The following LITAF variants were observed in gnomAD, a reference collection of about 807,000 sequenced individuals.
The protein encoded by LITAF is lipopolysaccharide-induced tumor necrosis factor-alpha factor.
Under a neutral mutation model 14.5 loss-of-function variants are expected in LITAF, and 9 were observed. The ratio of observed to expected loss-of-function variants is 0.62; its 90% CI spans 0.37 to 1.08. The LOEUF is 1.08. Among genes scored for constraint, LITAF ranks in the 50% least tolerant of loss-of-function variants. LITAF has a pLI of 0.01. For synonymous variants in LITAF, 98 were observed against 88.2 expected (o/e 1.11, Z -0.62); for missense variants, 206 against 213.4 (o/e 0.97, Z 0.22).
chr16:11,583,725 T>A (rs964177929), intron 1 of LITAF, among the ~76,000 whole-genome samples: 5 of 152,230 alleles, frequency 3.3e-5, no homozygotes, highest in Non-Finnish European at 5.9e-5. Flanking sequence ...TGAGGCACAC[T>A]GTCAATTAAA....
Position 11,559,420 on chromosome 16 carries a change from G to A in LITAF, c.-5-2685C>T, listed in dbSNP as rs544127072. Among the ~76,000 whole-genome samples the A allele has an allele frequency of 1.2e-4, 19 of 152,220 alleles. No homozygotes were observed. In the East Asian group the frequency reaches 3.7e-3, roughly 29 times the overall value. On this transcript the variant is annotated intron_variant, in intron 1 of 3. Coordinates refer to ENST00000622633, the MANE Select transcript of LITAF (RefSeq NM_001136472.2). ...CAATTATTGGGAAGCTTTTATGTAA[G>A]TCTGGGACAACTTGAATATATGAAT...
upstream of LITAF, among the ~76,000 whole-genome samples, chr16:11,588,623 A>G (rs1832416560): frequency 6.6e-6 from 1 of 152,112 alleles, no homozygotes; most frequent in Non-Finnish European, 1.5e-5. Context: ...AGAGAAGAAC[A>G]GGAAATTGGA....
chr16:11,588,779 G>A (rs906727557), upstream of LITAF, among the ~76,000 whole-genome samples: 2 of 152,026 alleles, frequency 1.3e-5, no homozygotes, highest in Non-Finnish European at 1.5e-5. Flanking sequence ...CAGAGATAAC[G>A]TTCAAGAAAC....
upstream of LITAF, among the ~76,000 whole-genome samples, chr16:11,637,631 C>T (rs929903753): frequency 1.3e-5 from 2 of 152,156 alleles, no homozygotes; most frequent in South Asian, 2.1e-4. Context: ...CAGCGGCTCA[C>T]GCCTATATTC....
chr16:11,622,900 A>G (rs1008476110), intron 3 of LITAF, among the ~76,000 whole-genome samples: 4 of 151,696 alleles, frequency 2.6e-5, no homozygotes, highest in African/African-American at 9.7e-5. Context: ...TCATTAGTTC[A>G]TTTAATCGTC....
chr16:11,584,950 G>C (rs903322388), intron 1 of LITAF, among the ~76,000 whole-genome samples: 9 of 152,218 alleles, frequency 5.9e-5, no homozygotes, highest in Non-Finnish European at 1.2e-4. Context: ...GTTCACACCT[G>C]TAATCCCAGC....
chr16:11,578,276 CGCCAG>C (rs2141821608), intron 1 of LITAF, among the ~76,000 whole-genome samples: 1 of 152,260 alleles, frequency 6.6e-6, no homozygotes, highest in South Asian at 2.1e-4. Flanking sequence ...AGAACAGAGT[CGCCAG>C]GCGTGGTGGC....
intron 3 of LITAF, chr16:11,629,236 G>A (rs1467248163): frequency 1.3e-5 from 2 of 152,024 alleles, no homozygotes; most frequent in African/African-American, 2.4e-5. Context: ...GCAGGACACC[G>A]AGGACTTTGG....
chr16:11,580,459 T>G (rs2064714864), intron 1 of LITAF, among the ~76,000 whole-genome samples: 1 of 152,170 alleles, frequency 6.6e-6, no homozygotes, highest in Non-Finnish European at 1.5e-5. Context: ...GGTTTCACCA[T>G]GTTGGCCAGG....
chr16:11,619,335 C>A (rs529832254), intron 3 of LITAF, among the ~76,000 whole-genome samples: 37 of 150,924 alleles, frequency 2.5e-4, no homozygotes, highest in South Asian at 1.1e-3. Context: ...AAAAAAAAAA[C>A]CCCAGCACTG....
Position 11,573,954 on chromosome 16 carries a change from G to A in LITAF, c.-6+12932C>T, listed in dbSNP as rs112444947. On this transcript the variant is annotated intron_variant, in intron 1 of 3. Coordinates refer to ENST00000622633, the MANE Select transcript of LITAF (RefSeq NM_001136472.2). ...TGACCTCAAGTGATCCTCCCGCCTC[G>A]GGCTCCCAAAGTGCTGGGATTACAG... is the stretch of plus-strand genomic sequence containing the variant. Among the ~76,000 whole-genome samples, 458 of 151,702 alleles carry A rather than the reference G, an allele frequency of 3.0e-3. 4 individuals carry two copies. Among genetic ancestry groups the A allele is most frequent in the African/African-American group, 0.011 (447 of 41,450 alleles).
In LITAF at chr16:11,548,133, C is replaced by T. The variant is rs191762790; in HGVS notation, c.*1504G>A. The T allele has an allele frequency of 1.3e-4, 59 of 454,104 alleles. No individual in the cohort carries two copies. The highest frequency in any genetic ancestry group is 1.1e-3 in the African/African-American group (54 of 50,120). 28.1% of individuals were successfully genotyped at this position (454,104 alleles called of 1,614,324 possible). On this transcript the variant is annotated 3_prime_UTR_variant, in exon 4 of 4. Coordinates refer to ENST00000622633, the MANE Select transcript of LITAF (RefSeq NM_001136472.2). ...AATGAAGGGGGATCAATGGTTACCA[C>T]TATCGTTTTCAACCAATATACAGAT... is the stretch of plus-strand genomic sequence containing the variant.
chr16:11,629,824 T>G (rs1374032174), intron 3 of LITAF, among the ~76,000 whole-genome samples: 1 of 151,928 alleles, frequency 6.6e-6, no homozygotes, highest in Non-Finnish European at 1.5e-5. Context: ...GCTCATGGAG[T>G]GCGGTACGGA....
rs796155799 is a variant in LITAF, at chr16:11,558,791, G to C, written c.-5-2056C>G. On this transcript the variant is annotated intron_variant, in intron 1 of 3. Coordinates refer to ENST00000622633, the MANE Select transcript of LITAF (RefSeq NM_001136472.2). This position sits in a 1 kb window ranked among gnomAD's most constrained non-coding sequence, Gnocchi z 4.1. ...AAAGTCAGTAAGTAAAGATAGGTTG[G>C]GGCTGCATTCTAGAAAACTTTGAAA... Among the ~76,000 whole-genome samples, 1 of 152,164 alleles carries C rather than the reference G, an allele frequency of 6.6e-6. No individual in the cohort carries two copies. The highest frequency in any genetic ancestry group is 1.5e-5 in the Non-Finnish European group (1 of 68,032).
chr16:11,613,982 G>T (rs2065000736), intron 3 of LITAF, among the ~76,000 whole-genome samples: 1 of 152,178 alleles, frequency 6.6e-6, no homozygotes, highest in African/African-American at 2.4e-5. Context: ...CAGGTCCTGA[G>T]ATTTGGACAC....
chr16:11,553,355 GAGCCGAGATCGCCCCAC>G lies in LITAF; in HGVS notation c.377+161_377+177del, dbSNP rs2064211354. 6.0e-6 allele frequency: 4 copies of G among 663,228 alleles called. No individual in the cohort carries two copies. Among genetic ancestry groups the G allele is most frequent in the Non-Finnish European group, 1.0e-5 (4 of 381,740 alleles). 41.1% of individuals were successfully genotyped at this position (663,228 alleles called of 1,614,324 possible). A position where few individuals can be genotyped will look rare whatever the true frequency, so the allele number is the denominator to read the frequency against. Reference sequence around the variant, plus strand: ...GAACCTGAGCAGTGGGGGTTACAGTGAGCCGAGATCGCCCCACTGTACTCCAGCCTGGGCGACAGAAC... The same window carrying G: ...GAACCTGAGCAGTGGGGGTTACAGTGTGTACTCCAGCCTGGGCGACAGAAC... On this transcript the variant is annotated intron_variant, in intron 3 of 3. Transcript: ENST00000622633. This position sits in a 1 kb window ranked among gnomAD's most constrained non-coding sequence, Gnocchi z 7.7.
chr16:11,589,923 C>CCACACGTTCTGATTTTA (rs1597362996), upstream of LITAF, among the ~76,000 whole-genome samples: 32 of 117,416 alleles, frequency 2.7e-4, no homozygotes, highest in East Asian at 5.8e-4. Flanking sequence ...CACACCCAGC[C>CCACACGTTCTGATTTTA]AGTTGCATTT....
chr16:11,608,620 G>A (rs879624811), intron 3 of LITAF, among the ~76,000 whole-genome samples: 2 of 152,202 alleles, frequency 1.3e-5, no homozygotes, highest in Admixed American at 1.3e-4. Context: ...GGGCTGCATC[G>A]TGGATGAACC....
chr16:11,589,012 A>C (rs1350216275), upstream of LITAF, among the ~76,000 whole-genome samples: 2 of 152,128 alleles, frequency 1.3e-5, no homozygotes, highest in Non-Finnish European at 2.9e-5. Context: ...ACTGCTGAGC[A>C]GCAACAGGAG....
Sources: allele counts gnomAD v4.1 joint callset (sites outside exome capture counted in the v4.1 genomes callset), GRCh38; gene constraint gnomAD v4.1.1; non-coding constraint Gnocchi (gnomAD v3.1); transcripts MANE v1.5; gene names NCBI Gene and HGNC (gene_info 2026-07-23, HGNC 2026-07-21).